The following PDE4D variants were observed in gnomAD, a reference collection of about 807,000 sequenced individuals.
The protein encoded by PDE4D is 3',5'-cyclic-AMP phosphodiesterase 4D.
PDE4D carries 24 observed loss-of-function variants against 87.4 expected under a neutral mutation model. The ratio of observed to expected loss-of-function variants is 0.27; its 90% CI spans 0.20 to 0.39. The LOEUF is 0.39. PDE4D is among the 10% of genes least tolerant of loss of function. PDE4D has a pLI of 1.00. For synonymous variants in PDE4D, 384 were observed against 383.2 expected (o/e 1.00, Z -0.02); for missense variants, 714 against 1,041.0 (o/e 0.69, Z 4.32).
chr5:59,391,174 CTA>C (rs1367025457), intron 1 of PDE4D, among the ~76,000 whole-genome samples: 1 of 152,098 alleles, frequency 6.6e-6, no homozygotes. Context: ...TGAGTAATGA[CTA>C]TGTCTTGTGG....
At chr5:60,416,334 T>C (rs1405509262) in intron 1 of PDE4D, among the ~76,000 whole-genome samples, 2 of 152,212 alleles carry the variant, frequency 1.3e-5, no homozygotes, top group Non-Finnish European at 2.9e-5. Flanking sequence ...TGGGGTCCCC[T>C]TCCACACTGT....
At chr5:59,135,007 T>A (rs1396988068) in intron 5 of PDE4D, among the ~76,000 whole-genome samples, 2 of 152,206 alleles carry the variant, frequency 1.3e-5, no homozygotes, top group East Asian at 3.9e-4. Context: ...AGTTCAGCTA[T>A]TGGGTTGCAA....
chr5:59,962,534 A>G (rs1759585622), intron 3 of PDE4D, among the ~76,000 whole-genome samples: 1 of 147,434 alleles, frequency 6.8e-6, no homozygotes, highest in Admixed American at 6.9e-5. Flanking sequence ...AAAAAATTTA[A>G]ATATTTCTCA....
intron 1 of PDE4D, among the ~76,000 whole-genome samples, chr5:59,325,237 G>A (rs1470204787): frequency 6.6e-6 from 1 of 152,124 alleles, no homozygotes; most frequent in Non-Finnish European, 1.5e-5. Context: ...TTAAAAGGGG[G>A]AAACCTAACA....
intron 1 of PDE4D, among the ~76,000 whole-genome samples, chr5:59,238,104 C>G (rs2153520846): frequency 6.6e-6 from 1 of 152,194 alleles, no homozygotes. Context: ...GCCTTTGTAG[C>G]CTTGTGAGTT....
intron 1 of PDE4D, among the ~76,000 whole-genome samples, chr5:59,806,540 C>T (rs140556756): frequency 8.4e-4 from 128 of 152,308 alleles, no homozygotes; most frequent in African/African-American, 2.8e-3. Context: ...AAGTTCTCAG[C>T]TGATTGACAG....
chr5:59,039,033 T>G (rs1580455430), intron 5 of PDE4D, 62 bp from the exon 6 acceptor site: 1 of 1,531,710 alleles, frequency 6.5e-7, no homozygotes, highest in East Asian at 2.5e-5. Flanking sequence ...CGCTAGCGAG[T>G]TCAAAGGGGG....
intron 2 of PDE4D, among the ~76,000 whole-genome samples, chr5:60,109,168 AAAAC>A (rs1215688958): frequency 2.0e-5 from 3 of 152,194 alleles, no homozygotes; most frequent in African/African-American, 4.8e-5. Flanking sequence ...TTACAAGAAA[AAAAC>A]AAACAACCCC....
intron 2 of PDE4D, among the ~76,000 whole-genome samples, chr5:60,089,746 G>A (rs1260034142): frequency 1.3e-5 from 2 of 150,954 alleles, no homozygotes; most frequent in Non-Finnish European, 3.0e-5. Context: ...TCAACAAAAT[G>A]TAGTTGGTTT....
At chr5:60,149,571 T>C (rs1233892980) in intron 2 of PDE4D, among the ~76,000 whole-genome samples, 5 of 152,272 alleles carry the variant, frequency 3.3e-5, no homozygotes, top group African/African-American at 1.2e-4. Flanking sequence ...TACTGAGTTA[T>C]TATCTTTCTT....
intron 5 of PDE4D, among the ~76,000 whole-genome samples, chr5:59,118,078 C>A (rs1425523666): frequency 2.6e-5 from 4 of 152,170 alleles, no homozygotes; most frequent in Non-Finnish European, 1.5e-5. Flanking sequence ...ATTTTGTATT[C>A]TTCATGGTGC....
chr5:59,811,958 T>C (rs1211146299), intron 1 of PDE4D, among the ~76,000 whole-genome samples: 1 of 152,234 alleles, frequency 6.6e-6, no homozygotes, highest in Admixed American at 6.5e-5. Flanking sequence ...AGAAGTACAT[T>C]ACTTTCCCCA....
upstream of PDE4D, among the ~76,000 whole-genome samples, chr5:59,895,117 T>C (rs1261122216): frequency 6.6e-6 from 1 of 152,238 alleles, no homozygotes; most frequent in Non-Finnish European, 1.5e-5. Flanking sequence ...TTCAAGCATA[T>C]CATGTAATGG....
At chr5:59,886,322 C>G (rs1470927964) in intron 1 of PDE4D, among the ~76,000 whole-genome samples, 1 of 151,986 alleles carries the variant, frequency 6.6e-6, no homozygotes, top group African/African-American at 2.4e-5. Context: ...TTCAGACCAG[C>G]CTGGCCAACA....
chr5:60,233,680 C>T (rs868048929), intron 1 of PDE4D, among the ~76,000 whole-genome samples: 9 of 151,628 alleles, frequency 5.9e-5, no homozygotes, highest in African/African-American at 2.2e-4. Flanking sequence ...ATTTATTTCT[C>T]AAACACTTAT....
chr5:59,382,723 C>G (rs949078847), intron 1 of PDE4D, among the ~76,000 whole-genome samples: 15 of 151,890 alleles, frequency 9.9e-5, no homozygotes, highest in Non-Finnish European at 2.1e-4. Context: ...TTTGGGGGTG[C>G]TAAATCCAAA....
chr5:59,313,562 ACTT>A (rs1773106208), intron 1 of PDE4D, among the ~76,000 whole-genome samples: 1 of 151,300 alleles, frequency 6.6e-6, no homozygotes, highest in Non-Finnish European at 1.5e-5. Context: ...AGTGGGGACA[ACTT>A]CTGCTGTATG....
chr5:59,155,606 T>C (rs1167272309), intron 5 of PDE4D, among the ~76,000 whole-genome samples: 1 of 152,134 alleles, frequency 6.6e-6, no homozygotes, highest in African/African-American at 2.4e-5. Flanking sequence ...TTTGCTGTGG[T>C]TTGCTGTGTA....
intron 1 of PDE4D, among the ~76,000 whole-genome samples, chr5:60,329,660 G>A (rs1757144687): frequency 1.3e-5 from 2 of 152,126 alleles, no homozygotes; most frequent in South Asian, 4.1e-4. Flanking sequence ...AAAGGGTAAA[G>A]AAATTGTAAT....
Sources: gnomAD v4.1 joint callset for allele counts (sites outside exome capture counted in the v4.1 genomes callset) on GRCh38, gnomAD v4.1.1 for gene constraint, MANE v1.5 for transcripts, NCBI Gene and HGNC (gene_info 2026-07-23, HGNC 2026-07-21) for gene names.